The following EXD2 variants were observed in gnomAD, a reference collection of about 807,000 sequenced individuals.
EXD2 encodes the protein exonuclease 3'-5' domain-containing protein 2.
EXD2 carries 40 observed loss-of-function variants against 62.5 expected under a neutral mutation model. That is an observed-to-expected ratio of 0.64 (90% CI 0.50 to 0.83). The LOEUF is 0.83. Among genes scored for constraint, EXD2 ranks in the 40% least tolerant of loss-of-function variants. EXD2 has a pLI of 0.00. For missense variants in EXD2, 671 were observed against 761.8 expected, an observed-to-expected ratio of 0.88 and a Z score of 1.40; for synonymous variants, 239 against 291.9, an observed-to-expected ratio of 0.82 and a Z score of 1.85.
chr14:69,239,948 A>T (rs745385178), intron 9 of EXD2, among the ~76,000 whole-genome samples: 2 of 152,222 alleles, frequency 1.3e-5, no homozygotes, highest in Non-Finnish European at 1.5e-5. Context: ...TCGGCCACAG[A>T]CTTTTCTAAC....
chr14:69,223,637 C>T (rs1320701848), intron 3 of EXD2, among the ~76,000 whole-genome samples: 2 of 152,106 alleles, frequency 1.3e-5, no homozygotes, highest in Non-Finnish European at 2.9e-5. Flanking sequence ...AATATTCTGC[C>T]ATGTTTTAGG....
In EXD2 at chr14:69,234,859, C is replaced by G. The variant is rs770383229; in HGVS notation, c.877C>G (p.Arg293Gly). ...KCQGVVDIPF[R>G]SKGMSRLGEE... is the part of the protein sequence containing the mutation. ...CCAGGGTGTGGTCGACATCCCATTT[C>G]GAAGCAAAGGAATGAGCAGATTGGG... Residue 293 changes from arginine to glycine, a missense_variant, in exon 6 of 10, where the codon CGA becomes GGA. Coordinates refer to ENST00000685843, the MANE Select transcript of EXD2 (RefSeq NM_001193360.2). The G allele has an allele frequency of 9.3e-6, 15 of 1,613,978 alleles. No homozygotes were observed. Among genetic ancestry groups the G allele is most frequent in the African/African-American group, 1.3e-5 (1 of 74,880 alleles).
intron 2 of EXD2, among the ~76,000 whole-genome samples, chr14:69,206,967 C>T (rs761757904): frequency 2.0e-5 from 3 of 152,210 alleles, no homozygotes; most frequent in South Asian, 2.1e-4. Flanking sequence ...AGTTTCTCTA[C>T]ACAAGTTATT....
rs1377050131 is a variant in EXD2 at position 69,241,665 on chromosome 14, G to A, written c.*565G>A. 2.5e-6 allele frequency: 1 copy of A among 392,930 alleles called. No homozygotes were observed. Among genetic ancestry groups the A allele is most frequent in the Non-Finnish European group, 4.5e-6 (1 of 222,984 alleles). The allele number at this position is 392,930 out of a possible 1,614,324, so 24.3% of individuals were successfully genotyped here. On this transcript the variant is annotated 3_prime_UTR_variant, in exon 10 of 10. Coordinates refer to ENST00000685843, the MANE Select transcript of EXD2 (RefSeq NM_001193360.2). ...GATCCATCCCATCTGGGTCACTTCA[G>A]TCTACTTCACGTACTTGAAAAGGCT...
At chr14:69,196,936 A>G (rs1226798312) in intron 1 of EXD2, among the ~76,000 whole-genome samples, 1 of 152,052 alleles carries the variant, frequency 6.6e-6, no homozygotes, top group African/African-American at 2.4e-5. Context: ...GTTTTTTTGA[A>G]TAGAACCATC....
At chr14:69,209,914 T>G (rs1408198485) in intron 3 of EXD2, 111 bp downstream of exon 3, 1 of 917,760 alleles carries the variant, frequency 1.1e-6, no homozygotes, top group Non-Finnish European at 1.5e-6. Flanking sequence ...ATGAATTAGC[T>G]TGTTCTCAAC....
chr14:69,235,482 A>G (rs1289500186), intron 6 of EXD2: 1 of 173,806 alleles, frequency 5.8e-6, no homozygotes, highest in Non-Finnish European at 1.2e-5. Context: ...ATCCAGCTCC[A>G]AGAAAATGTT....
chr14:69,199,362 G>A (rs1430596648), intron 1 of EXD2, among the ~76,000 whole-genome samples: 1 of 152,212 alleles, frequency 6.6e-6, no homozygotes, highest in Non-Finnish European at 1.5e-5. Context: ...GAAGGCTTAG[G>A]ACGTGACTGT....
chr14:69,221,969 TC>T (rs2043200620), intron 3 of EXD2, among the ~76,000 whole-genome samples: 1 of 137,572 alleles, frequency 7.3e-6, no homozygotes. Context: ...GCACCTGTAA[TC>T]CCAGCTACTC....
chr14:69,206,759 G>A (rs2042620018), intron 2 of EXD2, among the ~76,000 whole-genome samples: 1 of 152,196 alleles, frequency 6.6e-6, no homozygotes, highest in Non-Finnish European at 1.5e-5. Context: ...TGGGATTACA[G>A]GCATGAGCCA....
At chr14:69,208,280 G>A (rs886884552) in intron 2 of EXD2, among the ~76,000 whole-genome samples, 23 of 137,776 alleles carry the variant, frequency 1.7e-4, no homozygotes, top group Admixed American at 1.4e-3. Context: ...GCACGATCTC[G>A]GCTCACTGCA....
At chr14:69,227,898 T>C (rs188053487) in intron 3 of EXD2, 1 of 151,276 alleles carries the variant, frequency 6.6e-6, no homozygotes, top group East Asian at 1.9e-4. Flanking sequence ...CTTTTAAGAT[T>C]TAAAGGCCCT....
Position 69,242,054 on chromosome 14 carries a change from A to G in EXD2, c.*954A>G, listed in dbSNP as rs1824178631. Reference sequence around the variant, plus strand: ...CCCAGAGTCATCTGGTCAGGTTGCAATATGAGGACTTCTCTGTCTCCTCTG... The same window carrying G: ...CCCAGAGTCATCTGGTCAGGTTGCAGTATGAGGACTTCTCTGTCTCCTCTG... On this transcript the variant is annotated 3_prime_UTR_variant, in exon 10 of 10. Transcript: ENST00000685843. 3 of 398,530 alleles carry G rather than the reference A, an allele frequency of 7.5e-6. No individual in the cohort carries two copies. The highest frequency in any genetic ancestry group is 1.3e-5 in the Non-Finnish European group (3 of 226,070). The allele number at this position is 398,530 out of a possible 1,614,324, so 24.7% of individuals were successfully genotyped here. A position where few individuals can be genotyped will look rare whatever the true frequency, so the allele number is the denominator to read the frequency against.
rs779393065 is a variant in EXD2 at position 69,236,169 on chromosome 14, T to G, written c.1156+17T>G. 6.3e-7 allele frequency: 1 copy of G among 1,598,288 alleles called. No homozygotes were observed. The highest frequency in any genetic ancestry group is 8.6e-7 in the Non-Finnish European group (1 of 1,165,624). On this transcript the variant is annotated intron_variant, in intron 7 of 9. Coordinates refer to ENST00000685843, the MANE Select transcript of EXD2 (RefSeq NM_001193360.2). ...GCATTGGTGGTATGAGATTCAGCTG[T>G]CCTTGTTTATCTCTAATTAGGTGCA...
At chr14:69,236,252 A>G in intron 7 of EXD2, 100 bp downstream of exon 7, 1 of 1,501,500 alleles carries the variant, frequency 6.7e-7, no homozygotes. Flanking sequence ...AGAAGAAGGC[A>G]GAGAGACCGT....
At chr14:69,213,373 CTTTTT>C (rs150182640) in intron 3 of EXD2, among the ~76,000 whole-genome samples, 53,726 of 88,968 alleles carry the variant, frequency 0.6, 16,098 homozygotes, top group East Asian at 0.91. Flanking sequence ...ATGCTGGGCC[CTTTTT>C]TTTTTTTTTT....
Position 69,240,961 on chromosome 14 carries a change from T to C in EXD2, c.1727T>C (p.Met576Thr). ...CHSQGGLRSL[M>T]QLESRWRQHF... ...AGCCAGGGTGGCCTGCGCTCCCTCATGCAGCTGGAGAGCCGCTGGCGTCAG... is the reference window on the plus strand; with the variant it reads ...AGCCAGGGTGGCCTGCGCTCCCTCACGCAGCTGGAGAGCCGCTGGCGTCAG... Residue 576 changes from methionine (M) to threonine (T), a missense_variant, in exon 10 of 10, where the codon ATG (methionine) becomes ACG (threonine). By Grantham distance (81) the Met-to-Thr change is moderately conservative. Transcript: ENST00000685843. The C allele has an allele frequency of 6.2e-7, 1 of 1,613,542 alleles. No individual in the cohort carries two copies. Among genetic ancestry groups the C allele is most frequent in the Non-Finnish European group, 8.5e-7 (1 of 1,180,024 alleles).
intron 1 of EXD2, among the ~76,000 whole-genome samples, chr14:69,201,778 G>T (rs1594727588): frequency 1.4e-5 from 2 of 147,538 alleles, no homozygotes; most frequent in Admixed American, 1.4e-4. Context: ...CGCCTCCCGG[G>T]TTCAAGCGAT....
chr14:69,205,126 C>G (rs2042545030), intron 2 of EXD2, among the ~76,000 whole-genome samples: 1 of 152,172 alleles, frequency 6.6e-6, no homozygotes, highest in Non-Finnish European at 1.5e-5. Flanking sequence ...AAATCTGACC[C>G]CCTTCATACA....
Sources: allele counts gnomAD v4.1 joint callset (sites outside exome capture counted in the v4.1 genomes callset), GRCh38; gene constraint gnomAD v4.1.1; transcripts MANE v1.5; gene names NCBI Gene and HGNC (gene_info 2026-07-23, HGNC 2026-07-21).